Variants in CSMD1 observed in about 807,000 individuals in gnomAD.
CSMD1 encodes the protein CUB and sushi domain-containing protein 1.
CSMD1 carries 213 observed loss-of-function variants against 417.5 expected under a neutral mutation model. That is an observed-to-expected ratio of 0.51 (90% confidence interval 0.46 to 0.57). The LOEUF (loss-of-function observed/expected upper bound fraction) is 0.57. Among genes scored for constraint, CSMD1 ranks in the 20% least tolerant of loss-of-function variants. CSMD1 has a pLI of 0.00. For synonymous variants in CSMD1, 2,862 were observed against 1,736.8 expected, an observed-to-expected ratio of 1.65 and a Z score of -16.11; for missense variants, 6,923 against 4,529.7, an observed-to-expected ratio of 1.53 and a Z score of -15.17.
At chr8:3,708,560 C>A (rs928609804) in intron 6 of CSMD1, 69 bp from the exon 7 acceptor site, 5 of 1,306,500 alleles carry the variant, frequency 3.8e-6, no homozygotes, top group Non-Finnish European at 5.5e-6. Flanking sequence ...TGTATCCACA[C>A]AGCACTTCCA....
intron 2 of CSMD1, among the ~76,000 whole-genome samples, chr8:4,577,291 C>A (rs1025832780): frequency 1.3e-5 from 2 of 152,152 alleles, no homozygotes; most frequent in African/African-American, 2.4e-5. Flanking sequence ...TTCATAGCTG[C>A]TCTCTTGGGA....
chr8:3,723,871 C>T (rs4585770), intron 6 of CSMD1, among the ~76,000 whole-genome samples: 102,945 of 152,012 alleles, frequency 0.68, 36,458 homozygotes, highest in South Asian at 0.82. Context: ...TAGACCAACA[C>T]GTTTTACTAT....
chr8:3,031,989 T>TAC (rs1810372929), intron 50 of CSMD1, among the ~76,000 whole-genome samples: 3 of 150,254 alleles, frequency 2.0e-5, no homozygotes, highest in Non-Finnish European at 4.4e-5. Flanking sequence ...TATATATATA[T>TAC]ACACATAATA....
chr8:4,824,702 T>C (rs1799718827), intron 1 of CSMD1, among the ~76,000 whole-genome samples: 1 of 152,138 alleles, frequency 6.6e-6, no homozygotes, highest in Admixed American at 6.6e-5. Flanking sequence ...TCCACTGAAA[T>C]AACTGCTGAC....
chr8:4,015,857 G>A (rs150974386), intron 4 of CSMD1, among the ~76,000 whole-genome samples: 1 of 152,228 alleles, frequency 6.6e-6, no homozygotes, highest in Non-Finnish European at 1.5e-5. Context: ...TTCGTATGCT[G>A]CCGTTTTCTA....
chr8:4,949,292 C>G (rs182076832), intron 1 of CSMD1, among the ~76,000 whole-genome samples: 1 of 138,668 alleles, frequency 7.2e-6, no homozygotes, highest in Non-Finnish European at 1.6e-5. Context: ...CTATGGTATG[C>G]GTAGCTGTTT....
intron 5 of CSMD1, among the ~76,000 whole-genome samples, chr8:3,916,963 A>G (rs1808871635): frequency 6.6e-6 from 1 of 152,224 alleles, no homozygotes; most frequent in Non-Finnish European, 1.5e-5. Flanking sequence ...CCTCCAATTT[A>G]TTATTTCCTG....
intron 36 of CSMD1, among the ~76,000 whole-genome samples, chr8:3,184,366 C>T (rs564907407): frequency 3.3e-5 from 5 of 152,176 alleles, no homozygotes; most frequent in Admixed American, 3.3e-4. Context: ...AAAGCAGAAC[C>T]TTCCCTGATT....
intron 7 of CSMD1, among the ~76,000 whole-genome samples, chr8:3,658,654 G>C (rs922472080): frequency 6.6e-6 from 1 of 151,892 alleles, no homozygotes; most frequent in African/African-American, 2.4e-5. Flanking sequence ...GTGGTGGTGC[G>C]TGCCTGTAAT....
chr8:3,289,677 GT>G (rs554039569), intron 25 of CSMD1, among the ~76,000 whole-genome samples: 21,516 of 146,368 alleles, frequency 0.15, 3,174 homozygotes, highest in African/African-American at 0.25. Context: ...GGGGTTGTTT[GT>G]TTTTTTCTTG....
At chr8:4,815,460 C>T (rs1264139347) in intron 1 of CSMD1, among the ~76,000 whole-genome samples, 2 of 152,004 alleles carry the variant, frequency 1.3e-5, no homozygotes, top group Admixed American at 1.3e-4. Flanking sequence ...CTTTGGGAGG[C>T]TGAGGTGGGA....
At position 4,884,763 on chromosome 8, in the gene CSMD1, T is replaced by C. The variant is rs142419907; in HGVS notation, c.85+109569A>G. ...CTTAAGTCACTGCAACTCTGTCTTA[T>C]TGCGGTAGCTTTGGAATAAGATTTG... On this transcript the variant is annotated intron_variant, in intron 1 of 69. Transcript: ENST00000635120. Among the ~76,000 whole-genome samples, 646 of 152,180 alleles carry C rather than the reference T, an allele frequency of 4.2e-3. 10 individuals are homozygous for C. The highest frequency in any genetic ancestry group is 0.014 in the Middle Eastern group (4 of 294).
At chr8:4,175,949 T>G (rs1312195232) in intron 3 of CSMD1, among the ~76,000 whole-genome samples, 11 of 152,116 alleles carry the variant, frequency 7.2e-5, no homozygotes, top group African/African-American at 2.7e-4. Flanking sequence ...TCGACATTGG[T>G]GGCATGGGGC....
intron 1 of CSMD1, among the ~76,000 whole-genome samples, chr8:4,677,576 T>C (rs965497842): frequency 3.9e-5 from 6 of 152,206 alleles, no homozygotes; most frequent in African/African-American, 1.4e-4. Context: ...GATGCTTTCA[T>C]AGTGCCTAAG....
chr8:4,874,940 C>A (rs1305376497), intron 1 of CSMD1, among the ~76,000 whole-genome samples: 1 of 150,762 alleles, frequency 6.6e-6, no homozygotes, highest in Non-Finnish European at 1.5e-5. Flanking sequence ...CTTTATTTTT[C>A]ATTTCATTTT....
intron 3 of CSMD1, among the ~76,000 whole-genome samples, chr8:4,316,869 G>C (rs1338647181): frequency 3.3e-5 from 5 of 151,938 alleles, no homozygotes; most frequent in African/African-American, 7.2e-5. Context: ...ATGTTTTGTG[G>C]TTATACTCCA....
intron 3 of CSMD1, among the ~76,000 whole-genome samples, chr8:4,164,148 A>G (rs953452257): frequency 2.0e-5 from 3 of 152,116 alleles, no homozygotes; most frequent in African/African-American, 7.2e-5. Context: ...TTCTCTTAAA[A>G]TGTAATCATT....
intron 5 of CSMD1, among the ~76,000 whole-genome samples, chr8:3,781,496 C>G (rs1799179217): frequency 7.6e-6 from 1 of 131,544 alleles, no homozygotes; most frequent in South Asian, 2.3e-4. Context: ...ACGTGGTGCC[C>G]CTGAGTTAGG....
chr8:3,982,944 T>C (rs1245299424), intron 5 of CSMD1, among the ~76,000 whole-genome samples: 3 of 152,066 alleles, frequency 2.0e-5, no homozygotes, highest in Non-Finnish European at 4.4e-5. Flanking sequence ...ACTTTGCAGA[T>C]GAAAAACAAA....
Sources: gnomAD v4.1 joint callset for allele counts (sites outside exome capture counted in the v4.1 genomes callset) on GRCh38, gnomAD v4.1.1 for gene constraint, MANE v1.5 for transcripts, NCBI Gene and HGNC (gene_info 2026-07-23, HGNC 2026-07-21) for gene names.